MTUS2: variants seen among roughly 807,000 people sequenced by gnomAD.
MTUS2 encodes the protein microtubule associated scaffold protein 2, also known as microtubule-associated tumor suppressor candidate 2.
Under a neutral mutation model 114.1 loss-of-function variants are expected in MTUS2, and 40 were observed. The observed-to-expected ratio is 0.35, with a 90% CI of 0.27 to 0.46. The LOEUF (loss-of-function observed/expected upper bound fraction) is 0.46. MTUS2 is among the 20% of genes least tolerant of loss of function. The pLI is 1.00. For missense variants in MTUS2, 1,679 were observed against 1,705.4 expected, an observed-to-expected ratio of 0.98 and a Z score of 0.27; for synonymous variants, 688 against 672.0, an observed-to-expected ratio of 1.02 and a Z score of -0.37.
intron 2 of MTUS2, among the ~76,000 whole-genome samples, chr13:28,908,022 C>T (rs1194029395): frequency 2.0e-5 from 3 of 151,366 alleles, no homozygotes; most frequent in East Asian, 1.9e-4. Context: ...GATGTTTAAT[C>T]GTGTTGTGTC....
chr13:29,333,425 TACC>T (rs1900894548), intron 7 of MTUS2, among the ~76,000 whole-genome samples: 2 of 151,798 alleles, frequency 1.3e-5, no homozygotes, highest in African/African-American at 4.8e-5. Flanking sequence ...TCTAACACCC[TACC>T]TCAGGTGATC....
In MTUS2 at chr13:28,822,061, A is replaced by G. The variant is rs540082632; in HGVS notation, c.-316+1450A>G. On this transcript the variant is annotated intron_variant, in intron 1 of 15. Coordinates refer to ENST00000612955, the MANE Select transcript of MTUS2 (RefSeq NM_001033602.4). ...TTATGTTTACACGGTAAAGTAAGTC[A>G]TAGGAAAGATTATTTTCCATATCAA... Among the ~76,000 whole-genome samples the G allele has an allele frequency of 7.9e-5, 12 of 152,370 alleles. No individual in the cohort carries two copies. In the East Asian group the frequency reaches 2.3e-3, roughly 29 times the overall value.
At chr13:29,391,421 A>G (rs1195827917) in intron 8 of MTUS2, among the ~76,000 whole-genome samples, 2 of 152,226 alleles carry the variant, frequency 1.3e-5, no homozygotes, top group Non-Finnish European at 2.9e-5. Context: ...CACCATGTAA[A>G]TGGTACCATC....
At chr13:29,233,075 T>C (rs1896396344) in intron 5 of MTUS2, among the ~76,000 whole-genome samples, 1 of 152,184 alleles carries the variant, frequency 6.6e-6, no homozygotes, top group Non-Finnish European at 1.5e-5. Context: ...GTAAATACCA[T>C]GTGAAATTAT....
chr13:28,899,544 GGACTACAGGCGCCCACCACCA>G (rs1439080045), intron 2 of MTUS2, among the ~76,000 whole-genome samples: 1 of 152,050 alleles, frequency 6.6e-6, no homozygotes, highest in Non-Finnish European at 1.5e-5. Flanking sequence ...TGAGTAGCTG[GGACTACAGGCGCCCACCACCA>G]CGCCTGGCTA....
chr13:28,935,537 C>T (rs1286135179), intron 2 of MTUS2, among the ~76,000 whole-genome samples: 1 of 151,956 alleles, frequency 6.6e-6, no homozygotes, highest in African/African-American at 2.4e-5. Flanking sequence ...CCATTATACA[C>T]ATATGTATAA....
intron 5 of MTUS2, among the ~76,000 whole-genome samples, chr13:29,210,254 G>C (rs937402465): frequency 6.6e-6 from 1 of 151,922 alleles, no homozygotes; most frequent in African/African-American, 2.4e-5. Flanking sequence ...TTCTTTAAGT[G>C]TGTCCTTCAT....
chr13:29,378,037 G>A (rs571195622), intron 8 of MTUS2, among the ~76,000 whole-genome samples: 2 of 152,294 alleles, frequency 1.3e-5, no homozygotes, highest in Middle Eastern at 3.4e-3. Flanking sequence ...GCACTGTCTG[G>A]TTTCATTTAT....
chr13:29,444,799 G>T (rs1176044532), intron 9 of MTUS2, among the ~76,000 whole-genome samples: 1 of 152,216 alleles, frequency 6.6e-6, no homozygotes, highest in Non-Finnish European at 1.5e-5. Flanking sequence ...AAAGGAAGAT[G>T]CAAAAGACAA....
chr13:28,916,340 G>T (rs140867892), intron 2 of MTUS2, among the ~76,000 whole-genome samples: 1 of 151,738 alleles, frequency 6.6e-6, no homozygotes, highest in Non-Finnish European at 1.5e-5. Flanking sequence ...GAAAAATGTC[G>T]TTGGTATTTT....
Position 29,132,575 on chromosome 13 carries a change from T to C in MTUS2, c.2644+31605T>C, listed in dbSNP as rs569861049. Among the ~76,000 whole-genome samples, 8 of 152,338 alleles carry C rather than the reference T, an allele frequency of 5.3e-5. No individual in the cohort carries two copies. In the South Asian group the frequency reaches 1.7e-3, roughly 32 times the overall value. The stretch of plus-strand genomic sequence containing the variant: ...TTTCTGTCTCAATGAATGTGACCAC[T>C]CTAGATACCTCATATAATTGGAATC... On this transcript the variant is annotated intron_variant, in intron 5 of 15. Transcript: ENST00000612955.
At chr13:28,827,452 TG>T (rs1273677944) in intron 1 of MTUS2, among the ~76,000 whole-genome samples, 2 of 152,220 alleles carry the variant, frequency 1.3e-5, no homozygotes, top group African/African-American at 2.4e-5. Flanking sequence ...GAAATTTTTC[TG>T]CTAAATTTTA....
At chr13:29,277,940 G>A (rs1176460062) in intron 5 of MTUS2, among the ~76,000 whole-genome samples, 1 of 152,206 alleles carries the variant, frequency 6.6e-6, no homozygotes, top group East Asian at 1.9e-4. Context: ...GATGATTCAT[G>A]ATCACAAATT....
chr13:28,925,369 A>G (rs1051109452), intron 2 of MTUS2, among the ~76,000 whole-genome samples: 3 of 152,264 alleles, frequency 2.0e-5, no homozygotes, highest in Non-Finnish European at 4.4e-5. Flanking sequence ...CATTGAGTAC[A>G]TGAAAATGAA....
intron 2 of MTUS2, among the ~76,000 whole-genome samples, chr13:28,954,453 T>C (rs923000791): frequency 6.6e-6 from 1 of 152,236 alleles, no homozygotes; most frequent in Non-Finnish European, 1.5e-5. Context: ...TCTTCTCTCA[T>C]TAGTCCATGC....
chr13:28,906,822 C>T (rs1345987326), intron 2 of MTUS2, among the ~76,000 whole-genome samples: 1 of 151,516 alleles, frequency 6.6e-6, no homozygotes, highest in East Asian at 1.9e-4. Context: ...AGTTGGAAAA[C>T]ACTTTGCACG....
intron 8 of MTUS2, among the ~76,000 whole-genome samples, chr13:29,368,031 C>T (rs553802473): frequency 9.9e-5 from 15 of 151,724 alleles, no homozygotes; most frequent in South Asian, 4.2e-4. Flanking sequence ...CTCCACCTTC[C>T]GGGTTCACAC....
At chr13:29,189,073 G>T (rs1894341051) in intron 5 of MTUS2, among the ~76,000 whole-genome samples, 1 of 152,230 alleles carries the variant, frequency 6.6e-6, no homozygotes, top group African/African-American at 2.4e-5. Flanking sequence ...AAGCTCCTCT[G>T]TGTCCAGCAG....
chr13:29,081,149 A>G (rs1176235727), intron 4 of MTUS2, among the ~76,000 whole-genome samples: 1 of 151,938 alleles, frequency 6.6e-6, no homozygotes, highest in Non-Finnish European at 1.5e-5. Flanking sequence ...GTTTTTATTG[A>G]GGTTAGGGTA....
Sources: allele counts gnomAD v4.1 joint callset (sites outside exome capture counted in the v4.1 genomes callset), GRCh38; gene constraint gnomAD v4.1.1; transcripts MANE v1.5; gene names NCBI Gene and HGNC (gene_info 2026-07-23, HGNC 2026-07-21).